CHMP2B: variants seen among roughly 807,000 people sequenced by gnomAD.
CHMP2B encodes the protein VPS2 homolog B.
A neutral mutation model predicts 29.8 loss-of-function variants in CHMP2B; 22 were observed. The observed-to-expected ratio is 0.74, with a 90% CI of 0.53 to 1.05. The LOEUF (loss-of-function observed/expected upper bound fraction) is 1.05, where lower values mean the gene tolerates loss of function less well. Among genes scored for constraint, CHMP2B ranks in the 50% least tolerant of loss-of-function variants. CHMP2B has a pLI of 0.00. For missense variants in CHMP2B, 261 were observed against 252.2 expected (o/e 1.03, Z -0.24); for synonymous variants, 78 against 75.8 (o/e 1.03, Z -0.15).
At chr3:87,243,772 T>C (rs898428802) in intron 2 of CHMP2B, among the ~76,000 whole-genome samples, 3 of 152,118 alleles carry the variant, frequency 2.0e-5, no homozygotes, top group Admixed American at 6.6e-5. Context: ...TATACTGATA[T>C]ATTGTTTATA....
In CHMP2B at chr3:87,227,574, C is replaced by G. The variant is rs747484307; in HGVS notation, c.34+18C>G. The G allele has an allele frequency of 1.2e-6, 2 of 1,614,142 alleles. No homozygotes were observed. The highest frequency in any genetic ancestry group is 2.2e-5 in the East Asian group (1 of 44,838). On this transcript the variant is annotated intron_variant, in intron 1 of 5. Transcript: ENST00000263780. Reference sequence around the variant, plus strand: ...CGTGGATGGTGAGTTCCAGGCCGGGCTGAAGGGGCCCAGCTCTGCGTTTTC... The same window carrying G: ...CGTGGATGGTGAGTTCCAGGCCGGGGTGAAGGGGCCCAGCTCTGCGTTTTC...
Position 87,232,457 on chromosome 3 carries a change from T to C in CHMP2B, c.34+4901T>C, listed in dbSNP as rs78241389. ...CCTTTAGTGCTCCTTATTCTGGATA[T>C]TTAAAAAACTCAAATTTTACTTTCT... On this transcript the variant is annotated intron_variant, in intron 1 of 5. Coordinates refer to ENST00000263780, the MANE Select transcript of CHMP2B (RefSeq NM_014043.4). Among the ~76,000 whole-genome samples, 253 of 152,302 alleles carry C rather than the reference T, an allele frequency of 1.7e-3. 8 individuals carry two copies. The East Asian group carries it at 0.039, about 24-fold the overall frequency.
Position 87,235,345 on chromosome 3 carries a change from G to T in CHMP2B, c.35-5354G>T, listed in dbSNP as rs531946929. Among the ~76,000 whole-genome samples, 4 of 152,192 alleles carry T rather than the reference G, an allele frequency of 2.6e-5. No homozygotes were observed. The East Asian group carries it at 7.7e-4, about 29-fold the overall frequency. On this transcript the variant is annotated intron_variant, in intron 1 of 5. Transcript: ENST00000263780. ...TGTTTTAAAAAGAGAAGAGTAATAT[G>T]TTAGTTTTATAGTATATTTCTATTG...
chr3:87,243,833 C>T (rs1339644687), intron 2 of CHMP2B, among the ~76,000 whole-genome samples: 1 of 151,758 alleles, frequency 6.6e-6, no homozygotes, highest in African/African-American at 2.4e-5. Flanking sequence ...TGATGCCCTT[C>T]TTTGCATTCT....
intron 1 of CHMP2B, among the ~76,000 whole-genome samples, chr3:87,238,957 T>C (rs1054850103): frequency 6.6e-6 from 1 of 152,190 alleles, no homozygotes; most frequent in African/African-American, 2.4e-5. Context: ...CACTTGTTAT[T>C]TTCCTTTCAT....
chr3:87,234,618 A>G (rs1485733163), intron 1 of CHMP2B, among the ~76,000 whole-genome samples: 1 of 152,206 alleles, frequency 6.6e-6, no homozygotes, highest in East Asian at 1.9e-4. Flanking sequence ...TATCATATCC[A>G]TGTACCTTTG....
chr3:87,235,050 C>T (rs993140160), intron 1 of CHMP2B, among the ~76,000 whole-genome samples: 5 of 152,192 alleles, frequency 3.3e-5, no homozygotes, highest in African/African-American at 9.6e-5. Flanking sequence ...TATGTTTGTA[C>T]TCCCATAGAT....
chr3:87,232,365 G>A (rs540115977), intron 1 of CHMP2B, among the ~76,000 whole-genome samples: 1 of 152,254 alleles, frequency 6.6e-6, no homozygotes, highest in South Asian at 2.1e-4. Context: ...CTGTATTCCA[G>A]AATAAAATAC....
At chr3:87,231,522 T>C (rs911887528) in intron 1 of CHMP2B, among the ~76,000 whole-genome samples, 11 of 152,142 alleles carry the variant, frequency 7.2e-5, no homozygotes, top group African/African-American at 2.7e-4. Flanking sequence ...TGATTGAAAC[T>C]TGAACCCAAA....
chr3:87,240,636 A>G (rs2106901938), intron 1 of CHMP2B, 63 bp from the exon 2 acceptor site: 4 of 1,117,290 alleles, frequency 3.6e-6, no homozygotes, highest in Non-Finnish European at 5.5e-6. Flanking sequence ...TGAATCCAGT[A>G]TTTTAAATGA....
In CHMP2B at chr3:87,253,955, C is replaced by T. The variant is rs1706359350; in HGVS notation, c.*133C>T. 3.1e-6 allele frequency: 2 copies of T among 639,884 alleles called. No homozygotes were observed. Among genetic ancestry groups the T allele is most frequent in the Admixed American group, 2.7e-5 (1 of 36,646 alleles). 39.6% of individuals were successfully genotyped at this position (639,884 alleles called of 1,614,324 possible). ...GAAGACCATGAGTGAACAGTTGTTT[C>T]CTAACCCATGGCTATTTAGAATCTT... On this transcript the variant is annotated 3_prime_UTR_variant, in exon 6 of 6. Coordinates refer to ENST00000263780, the MANE Select transcript of CHMP2B (RefSeq NM_014043.4).
chr3:87,249,519 AAATT>A (rs1178447502), intron 3 of CHMP2B, among the ~76,000 whole-genome samples: 1 of 152,040 alleles, frequency 6.6e-6, no homozygotes, highest in South Asian at 2.1e-4. Context: ...GTTTTTATAA[AAATT>A]AAATTTAAAA....
chr3:87,234,696 G>A (rs1575963320), intron 1 of CHMP2B, among the ~76,000 whole-genome samples: 1 of 152,300 alleles, frequency 6.6e-6, no homozygotes, highest in South Asian at 2.1e-4. Flanking sequence ...CCACAAGGTA[G>A]ATGAAGTCCT....
At chr3:87,229,526 A>G (rs1044225204) in intron 1 of CHMP2B, among the ~76,000 whole-genome samples, 1 of 152,136 alleles carries the variant, frequency 6.6e-6, no homozygotes, top group Non-Finnish European at 1.5e-5. Context: ...TTATTTTGAT[A>G]TAGAGCTTTA....
chr3:87,239,093 C>T (rs1706068453), intron 1 of CHMP2B, among the ~76,000 whole-genome samples: 1 of 152,050 alleles, frequency 6.6e-6, no homozygotes, highest in Non-Finnish European at 1.5e-5. Flanking sequence ...TCTGTTCAAG[C>T]CTTTAGCTCA....
chr3:87,245,058 A>G (rs1432611075), intron 2 of CHMP2B, among the ~76,000 whole-genome samples: 3 of 152,152 alleles, frequency 2.0e-5, no homozygotes, highest in Non-Finnish European at 4.4e-5. Context: ...TGATTCCCTT[A>G]TATCATTATG....
At chr3:87,239,936 T>C (rs1706085580) in intron 1 of CHMP2B, among the ~76,000 whole-genome samples, 1 of 152,140 alleles carries the variant, frequency 6.6e-6, no homozygotes, top group African/African-American at 2.4e-5. Flanking sequence ...TCTGCCTCAT[T>C]GGAAAGTCTG....
chr3:87,228,494 G>T lies in CHMP2B; in HGVS notation c.34+938G>T, dbSNP rs376516341. On this transcript the variant is annotated intron_variant, in intron 1 of 5. Coordinates refer to ENST00000263780, the MANE Select transcript of CHMP2B (RefSeq NM_014043.4). ...CTAATTCTGCCACAAAAGGAGCAGT[G>T]GTAGCTAGACAGTGATTGGTACAAA... Among the ~76,000 whole-genome samples, 5 of 152,316 alleles carry T rather than the reference G, an allele frequency of 3.3e-5. No individual in the cohort carries two copies. The South Asian group carries it at 1.0e-3, about 32-fold the overall frequency.
chr3:87,236,196 C>T (rs562383877), intron 1 of CHMP2B, among the ~76,000 whole-genome samples: 1 of 152,242 alleles, frequency 6.6e-6, no homozygotes, highest in African/African-American at 2.4e-5. Context: ...AAAGTTCCCA[C>T]CCTTTAGTCA....
Sources: gnomAD v4.1 joint callset for allele counts (sites outside exome capture counted in the v4.1 genomes callset) on GRCh38, gnomAD v4.1.1 for gene constraint, MANE v1.5 for transcripts, NCBI Gene and HGNC (gene_info 2026-07-23, HGNC 2026-07-21) for gene names.